Variants in VAV1 observed in about 807,000 individuals in gnomAD.
VAV1 encodes the protein proto-oncogene vav.
In VAV1, 33 loss-of-function variants were observed where a neutral mutation model predicts 128.1. The observed-to-expected ratio is 0.26, with a 90% confidence interval of 0.20 to 0.34. The LOEUF is 0.34. Among genes scored for constraint, VAV1 ranks in the 10% least tolerant of loss-of-function variants. The pLI is 1.00. For synonymous variants in VAV1, 394 were observed against 409.8 expected, an observed-to-expected ratio of 0.96 and a Z score of 0.47; for missense variants, 715 against 1,093.7, an observed-to-expected ratio of 0.65 and a Z score of 4.88.
chr19:6,854,104 G>T lies in VAV1; in HGVS notation c.2484+6G>T, dbSNP rs762075395. 6.2e-7 allele frequency: 1 copy of T among 1,612,288 alleles called. No individual in the cohort carries two copies. The highest frequency in any genetic ancestry group is 8.5e-7 in the Non-Finnish European group (1 of 1,179,838). Reference sequence around the variant, plus strand: ...GAGGGGAGATCTATGGCCGGGTGAGGCAGGCAGGGCTGGGTGACGGGGAGG... The same window carrying T: ...GAGGGGAGATCTATGGCCGGGTGAGTCAGGCAGGGCTGGGTGACGGGGAGG... On this transcript the variant is annotated splice_donor_region_variant and intron_variant, in intron 26 of 26. Coordinates refer to ENST00000602142, the MANE Select transcript of VAV1 (RefSeq NM_005428.4).
At chr19:6,855,395 T>C (rs908185523) in intron 26 of VAV1, among the ~76,000 whole-genome samples, 7 of 151,928 alleles carry the variant, frequency 4.6e-5, no homozygotes, top group Non-Finnish European at 1.0e-4. Context: ...CATCCATCCA[T>C]CCATCTATCC....
In VAV1 at chr19:6,828,386, C is replaced by T; in HGVS notation, c.1024-33C>T. 6.2e-7 allele frequency: 1 copy of T among 1,613,382 alleles called. No individual in the cohort carries two copies. Among genetic ancestry groups the T allele is most frequent in the South Asian group, 1.1e-5 (1 of 91,040 alleles). ...CTCCCCGCAGGGAGAAGGGGAGGGG[C>T]CCAGGTGACGTCTGACGTCTTGGTT... On this transcript the variant is annotated intron_variant, in intron 10 of 26. Transcript: ENST00000602142. This position sits in a 1 kb window ranked among gnomAD's most constrained non-coding sequence, Gnocchi z 4.5.
At position 6,777,418 on chromosome 19, in the gene VAV1, A is replaced by G. The variant is rs980133445; in HGVS notation, c.204+4407A>G. Among the ~76,000 whole-genome samples, 1 of 152,140 alleles carries G rather than the reference A, an allele frequency of 6.6e-6. No individual in the cohort carries two copies. Among genetic ancestry groups the G allele is most frequent in the Non-Finnish European group, 1.5e-5 (1 of 68,022 alleles). ...AGGCTGACAGTGAAGAAATAAGACA[A>G]TGTATAAGTCATCAGGAGGTGGTAT... On this transcript the variant is annotated intron_variant, in intron 1 of 26. Coordinates refer to ENST00000602142, the MANE Select transcript of VAV1 (RefSeq NM_005428.4). The surrounding 1 kb of genome is among the most constrained non-coding windows in gnomAD (Gnocchi z 4.4).
Position 6,828,817 on chromosome 19 carries a change from C to T in VAV1, c.1182C>T (p.Asp394=). The change falls in exon 13 of 27, where the codon GAC becomes GAT. Residue 394 remains aspartate, a splice_region_variant and synonymous_variant. Transcript: ENST00000602142. The surrounding 1 kb of genome is among the most constrained non-coding windows in gnomAD (Gnocchi z 4.5). ...TNFQLSIENL[D]QSLAHYGRPK... ...TAGACCCCCTGCCTACTGCATAGGA[C>T]CAGTCTCTGGCTCACTATGGCCGGC... 2 of 1,614,156 alleles carry T rather than the reference C, an allele frequency of 1.2e-6. No homozygotes were observed. The highest frequency in any genetic ancestry group is 1.7e-6 in the Non-Finnish European group (2 of 1,180,024).
chr19:6,825,239 C>T (rs1971889304), intron 7 of VAV1, 64 bp from the exon 8 acceptor site: 3 of 1,582,164 alleles, frequency 1.9e-6, no homozygotes, highest in East Asian at 2.2e-5. Context: ...GTGGATGACC[C>T]TTTCCTTCCT....
rs186042017 is a variant in VAV1, at chr19:6,798,851, C to T, written c.205-21851C>T. On this transcript the variant is annotated intron_variant, in intron 1 of 26. Coordinates refer to ENST00000602142, the MANE Select transcript of VAV1 (RefSeq NM_005428.4). ...TGACATATGTGTGCAACTATGAACCCAGCCTTGAAATCAATGGATCATATC... is the reference window on the plus strand; with the variant it reads ...TGACATATGTGTGCAACTATGAACCTAGCCTTGAAATCAATGGATCATATC... Among the ~76,000 whole-genome samples the T allele has an allele frequency of 2.0e-4, 31 of 152,196 alleles. No homozygotes were observed. In the East Asian group the frequency reaches 4.8e-3, roughly 24 times the overall value.
intron 26 of VAV1, among the ~76,000 whole-genome samples, chr19:6,855,220 C>A (rs1400580314): frequency 1.3e-5 from 2 of 152,148 alleles, no homozygotes; most frequent in East Asian, 3.8e-4. Flanking sequence ...AGTTTACATT[C>A]TACTGGGGAA....
intron 1 of VAV1, among the ~76,000 whole-genome samples, chr19:6,786,608 C>A (rs1000902321): frequency 2.0e-5 from 3 of 152,042 alleles, no homozygotes; most frequent in Non-Finnish European, 4.4e-5. Context: ...CCTGGCAAAA[C>A]CCCATCTCTA....
intron 1 of VAV1, among the ~76,000 whole-genome samples, chr19:6,813,184 G>A (rs1458299586): frequency 6.6e-6 from 1 of 152,234 alleles, no homozygotes; most frequent in Non-Finnish European, 1.5e-5. Context: ...GCACACAGAT[G>A]TCGGCTGGGG....
Position 6,856,911 on chromosome 19 carries a change from C to G in VAV1, c.2485-143C>G, listed in dbSNP as rs140313495. 529 of 678,548 alleles carry G rather than the reference C, an allele frequency of 7.8e-4. 6 individuals are homozygous for G. The African/African-American group carries it at 8.0e-3, about 10-fold the overall frequency. The allele number at this position is 678,548 out of a possible 1,614,324, so 42.0% of individuals were successfully genotyped here. A position where few individuals can be genotyped will look rare whatever the true frequency, so the allele number is the denominator to read the frequency against. The stretch of plus-strand genomic sequence containing the variant: ...GTGTGTGTGTGGTCAGCCTTGTGTA[C>G]GTTGGGTGATGTGTTTTCTGGGATA... On this transcript the variant is annotated intron_variant, in intron 26 of 26. Transcript: ENST00000602142.
rs1275043031 is a variant in VAV1, at chr19:6,850,688, G to A, written c.2148G>A (p.Lys716=). 7 of 1,614,078 alleles carry A rather than the reference G, an allele frequency of 4.3e-6. No homozygotes were observed. Among genetic ancestry groups the A allele is most frequent in the Non-Finnish European group, 5.9e-6 (7 of 1,180,006 alleles). The change falls in exon 24 of 27, where the codon AAG becomes AAA. Residue 716 remains lysine (K), a synonymous_variant. Transcript: ENST00000602142. ...AISIKYNVEV[K]HIKIMTAEGL... ...GTTCCAGATATAACGTCGAGGTCAAGCACATTAAAATCATGACAGCAGAAG... is the reference window on the plus strand; with the variant it reads ...GTTCCAGATATAACGTCGAGGTCAAACACATTAAAATCATGACAGCAGAAG...
intron 1 of VAV1, among the ~76,000 whole-genome samples, chr19:6,787,458 T>A (rs530773921): frequency 5.9e-5 from 9 of 152,270 alleles, no homozygotes; most frequent in Middle Eastern, 3.4e-3. Context: ...ATTGCAGGCG[T>A]GAGTCACCGC....
intron 1 of VAV1, among the ~76,000 whole-genome samples, chr19:6,804,959 C>T (rs1971358060): frequency 2.6e-5 from 4 of 151,202 alleles, no homozygotes; most frequent in Admixed American, 2.6e-4. Flanking sequence ...GCCTGACCTT[C>T]CTGAGGCGTG....
chr19:6,807,382 C>G (rs987982506), intron 1 of VAV1, among the ~76,000 whole-genome samples: 4 of 152,018 alleles, frequency 2.6e-5, no homozygotes, highest in African/African-American at 9.7e-5. Flanking sequence ...GTAGATCCCT[C>G]ACATGTGGAG....
At position 6,822,396 on chromosome 19, in the gene VAV1, C is replaced by T. The variant is rs1240908772; in HGVS notation, c.559-23C>T. On this transcript the variant is annotated intron_variant, in intron 5 of 26. Transcript: ENST00000602142. This position sits in a 1 kb window ranked among gnomAD's most constrained non-coding sequence, Gnocchi z 5.9. The stretch of plus-strand genomic sequence containing the variant: ...GGGGGCAGCCCCAGGCCCCCCAACA[C>T]CGGCCTCTCCCCTCGCTCTCAGCCC... 2 of 1,553,964 alleles carry T rather than the reference C, an allele frequency of 1.3e-6. No individual in the cohort carries two copies. The highest frequency in any genetic ancestry group is 1.2e-5 in the South Asian group (1 of 84,438).
intron 1 of VAV1, among the ~76,000 whole-genome samples, chr19:6,805,167 G>A (rs185026747): frequency 8.5e-5 from 13 of 152,122 alleles, no homozygotes; most frequent in South Asian, 2.1e-4. Flanking sequence ...GTTCATGCCT[G>A]TAATCCCAGC....
In VAV1 at chr19:6,857,071, CA is replaced by C. The variant is rs775636501; in HGVS notation, c.2504del (p.Asn835ThrfsTer26). On this transcript the variant is annotated frameshift_variant, in exon 27 of 27. Coordinates refer to ENST00000602142, the MANE Select transcript of VAV1 (RefSeq NM_005428.4). LOFTEE classifies it high-confidence loss of function. ...IYGRVGWFPA[N>X]YVEEDYSEYC Reference sequence around the variant, plus strand: ...GTTTCCAGGTTGGCTGGTTCCCTGCCAACTACGTGGAGGAAGATTATTCTGA... The same window carrying C: ...GTTTCCAGGTTGGCTGGTTCCCTGCCACTACGTGGAGGAAGATTATTCTGA... 1 of 1,614,076 alleles carries C rather than the reference CA, an allele frequency of 6.2e-7. No homozygotes were observed. Among genetic ancestry groups the C allele is most frequent in the Non-Finnish European group, 8.5e-7 (1 of 1,180,010 alleles).
intron 21 of VAV1, among the ~76,000 whole-genome samples, chr19:6,839,523 C>T (rs980441164): frequency 6.6e-6 from 1 of 152,084 alleles, no homozygotes; most frequent in Non-Finnish European, 1.5e-5. Flanking sequence ...CTGCCTCGGC[C>T]TCCCAAAGTG....
In VAV1 at chr19:6,820,353, G is replaced by A. The variant is rs1010650736; in HGVS notation, c.205-349G>A. ...TGGGCTCAGTGATCCACTCATCTCC[G>A]CCTCCTGAGTAGTTCAAAATGTTTT... On this transcript the variant is annotated intron_variant, in intron 1 of 26. Transcript: ENST00000602142. The surrounding 1 kb of genome is among the most constrained non-coding windows in gnomAD (Gnocchi z 4.4). Among the ~76,000 whole-genome samples the A allele has an allele frequency of 5.3e-5, 8 of 152,190 alleles. No individual in the cohort carries two copies. The highest frequency in any genetic ancestry group is 9.6e-5 in the African/African-American group (4 of 41,520).
Sources: gnomAD v4.1 joint callset for allele counts (sites outside exome capture counted in the v4.1 genomes callset) on GRCh38, gnomAD v4.1.1 for gene constraint, Gnocchi (gnomAD v3.1) non-coding constraint, MANE v1.5 for transcripts, NCBI Gene and HGNC (gene_info 2026-07-23, HGNC 2026-07-21) for gene names.